Variants in DNAI4 observed in about 807,000 individuals in gnomAD.
The protein encoded by DNAI4 is dynein axonemal intermediate chain 4, also known as WD repeat domain 78.
In DNAI4, 85 loss-of-function variants were observed where a neutral mutation model predicts 105.8. That is an observed-to-expected ratio of 0.80 (90% CI 0.67 to 0.96). DNAI4 has a LOEUF of 0.96. Ranked by LOEUF, DNAI4 falls within the 40% of genes least tolerant of loss-of-function variation. The pLI is 0.00. For missense variants in DNAI4, 1,014 were observed against 1,005.6 expected, an observed-to-expected ratio of 1.01 and a Z score of -0.11; for synonymous variants, 352 against 331.5, an observed-to-expected ratio of 1.06 and a Z score of -0.67.
chr1:66,853,123 A>G (rs932441769), intron 7 of DNAI4, among the ~76,000 whole-genome samples: 3 of 152,230 alleles, frequency 2.0e-5, no homozygotes, highest in Non-Finnish European at 4.4e-5. Flanking sequence ...GCAAAAACGT[A>G]TTACTCACAG....
chr1:66,913,098 T>G (rs1321861506), intron 1 of DNAI4, among the ~76,000 whole-genome samples: 1 of 152,150 alleles, frequency 6.6e-6, no homozygotes, highest in African/African-American at 2.4e-5. Context: ...ATGAGGGTTT[T>G]TTGGTTTGTT....
intron 4 of DNAI4, among the ~76,000 whole-genome samples, chr1:66,884,350 C>G (rs1647146895): frequency 6.6e-6 from 1 of 152,128 alleles, no homozygotes; most frequent in South Asian, 2.1e-4. Context: ...AGTAGGATTG[C>G]TGGATCTTAT....
At chr1:66,870,700 G>T (rs1646825912) in intron 6 of DNAI4, 1 of 115,978 alleles carries the variant, frequency 8.6e-6, no homozygotes, top group South Asian at 3.0e-4. Flanking sequence ...AGTGAGCCAA[G>T]ATTGTGCTAT....
At chr1:66,892,771 G>GT (rs1647771480) in intron 3 of DNAI4, among the ~76,000 whole-genome samples, 1 of 151,694 alleles carries the variant, frequency 6.6e-6, no homozygotes, top group Admixed American at 6.6e-5. Context: ...GCCAGGTGTA[G>GT]TGGGGGGGCG....
intron 1 of DNAI4, among the ~76,000 whole-genome samples, chr1:66,917,890 G>A (rs959616299): frequency 6.6e-6 from 1 of 152,144 alleles, no homozygotes; most frequent in African/African-American, 2.4e-5. Flanking sequence ...GTGACTTATG[G>A]AACCAATAAA....
rs189108886 is a variant in DNAI4 at position 66,915,038 on chromosome 1, C to T, written c.170+9624G>A. ...CATTTATTAATCAAGCAATTTCATACTTATCCCTGACAAATACTATAAGGT... is the reference window on the plus strand; with the variant it reads ...CATTTATTAATCAAGCAATTTCATATTTATCCCTGACAAATACTATAAGGT... On this transcript the variant is annotated intron_variant, in intron 1 of 16. Transcript: ENST00000371026. Among the ~76,000 whole-genome samples the T allele has an allele frequency of 2.8e-4, 43 of 152,324 alleles. No homozygotes were observed. The South Asian group carries it at 4.6e-3, about 16-fold the overall frequency.
chr1:66,865,245 A>G (rs1646708463), intron 6 of DNAI4, among the ~76,000 whole-genome samples: 2 of 151,978 alleles, frequency 1.3e-5, no homozygotes, highest in African/African-American at 2.4e-5. Flanking sequence ...CAACATGGTG[A>G]AAACCCCATC....
At chr1:66,885,559 T>G (rs1011341822) in intron 4 of DNAI4, among the ~76,000 whole-genome samples, 6 of 152,172 alleles carry the variant, frequency 3.9e-5, no homozygotes, top group African/African-American at 1.4e-4. Flanking sequence ...GTAATTTATA[T>G]CCTTGTTCTT....
chr1:66,847,551 T>C lies in DNAI4; in HGVS notation c.1224A>G (p.Glu408=), dbSNP rs1224408251. The change falls in exon 8 of 17, where the codon GAA becomes GAG. Residue 408 remains glutamate, a synonymous_variant. Coordinates refer to ENST00000371026, the MANE Select transcript of DNAI4 (RefSeq NM_024763.5). ...DKFHQDLFFM[E]RVLMENIFQP... is the part of the protein sequence containing the mutation. ...GAAATATATTTTCCATCAGAACCCG[T>C]TCCATAAAAAATAAGTCCTGATGAA... 2.7e-5 allele frequency: 44 copies of C among 1,614,056 alleles called. No individual in the cohort carries two copies. The highest frequency in any genetic ancestry group is 3.6e-5 in the Non-Finnish European group (42 of 1,179,974).
At chr1:66,871,707 C>T (rs1646850414) in intron 5 of DNAI4, among the ~76,000 whole-genome samples, 198 bp from the exon 6 acceptor site, 1 of 152,150 alleles carries the variant, frequency 6.6e-6, no homozygotes, top group East Asian at 1.9e-4. Flanking sequence ...GTGTCTATTT[C>T]CCAACATCCC....
chr1:66,848,730 A>T (rs541372951), intron 7 of DNAI4, among the ~76,000 whole-genome samples: 5 of 152,224 alleles, frequency 3.3e-5, no homozygotes, highest in Non-Finnish European at 7.3e-5. Flanking sequence ...GAAGTCAGCA[A>T]CCTGGGAACA....
At chr1:66,819,455 G>A (rs1193588390) in intron 16 of DNAI4, among the ~76,000 whole-genome samples, 1 of 151,948 alleles carries the variant, frequency 6.6e-6, no homozygotes, top group Non-Finnish European at 1.5e-5. Context: ...ATAGTTTCTT[G>A]AATATCTATT....
Position 66,862,245 on chromosome 1 carries a change from G to A in DNAI4, c.998C>T (p.Ser333Phe), listed in dbSNP as rs1464089868. The A allele has an allele frequency of 3.1e-6, 5 of 1,611,004 alleles. No individual in the cohort carries two copies. The highest frequency in any genetic ancestry group is 2.2e-5 in the East Asian group (1 of 44,670). ...YDSYNAMELVSLSVKQSVVES... is the reference protein window; with the variant it reads ...YDSYNAMELVFLSVKQSVVES... ...AACCACAGATTGTTTTACTGATAAA[G>A]ATACAAGTTCCATAGCATTGTAAGA... Residue 333 changes from serine (S) to phenylalanine (F), a missense_variant, in exon 7 of 17, where the codon TCT becomes TTT. Coordinates refer to ENST00000371026, the MANE Select transcript of DNAI4 (RefSeq NM_024763.5).
At chr1:66,835,489 G>T in intron 11 of DNAI4, 137 bp downstream of exon 11, 1 of 888,204 alleles carries the variant, frequency 1.1e-6, no homozygotes, top group Non-Finnish European at 1.7e-6. Flanking sequence ...GACAATATGA[G>T]GGATTATGAA....
intron 8 of DNAI4, among the ~76,000 whole-genome samples, chr1:66,844,047 A>G (rs1646212319): frequency 8.1e-6 from 1 of 123,686 alleles, no homozygotes; most frequent in Admixed American, 1.1e-4. Context: ...AGTGGGAACA[A>G]CTCTTATTTA....
intron 1 of DNAI4, among the ~76,000 whole-genome samples, chr1:66,917,427 T>C (rs1650147394): frequency 6.6e-6 from 1 of 152,206 alleles, no homozygotes; most frequent in Non-Finnish European, 1.5e-5. Context: ...AATGCAAGTT[T>C]CTGATAACTT....
Position 66,847,603 on chromosome 1 carries a change from G to T in DNAI4, c.1172C>A (p.Ser391Ter). The change falls in exon 8 of 17, where the codon TCA (serine) becomes TAA (stop). Residue 391 changes from serine to a stop codon, truncating the protein, a stop_gained. Transcript: ENST00000371026. LOFTEE classifies it high-confidence loss of function. Reference protein sequence around the residue: ...AKIHEDEEDHSDAILKSDKFH... With the variant: ...AKIHEDEEDH ...TTTGTCAGATTTTAATATTGCATCT[G>T]AGTGGTCTTCCTCATCTTCATGGAT... 1 of 1,613,956 alleles carries T rather than the reference G, an allele frequency of 6.2e-7. No homozygotes were observed. The highest frequency in any genetic ancestry group is 8.5e-7 in the Non-Finnish European group (1 of 1,179,938).
chr1:66,903,758 G>A (rs1414113729), intron 2 of DNAI4, among the ~76,000 whole-genome samples: 1 of 152,124 alleles, frequency 6.6e-6, no homozygotes, highest in African/African-American at 2.4e-5. Flanking sequence ...GCCTCCCAAA[G>A]AGCTAGGATT....
At chr1:66,837,655 A>G in intron 10 of DNAI4, 55 bp downstream of exon 10, 1 of 1,502,242 alleles carries the variant, frequency 6.7e-7, no homozygotes, top group Admixed American at 1.9e-5. Flanking sequence ...TATATATTTT[A>G]TGAGAATTTT....
Sources: allele counts gnomAD v4.1 joint callset (sites outside exome capture counted in the v4.1 genomes callset), GRCh38; gene constraint gnomAD v4.1.1; transcripts MANE v1.5; gene names NCBI Gene and HGNC (gene_info 2026-07-23, HGNC 2026-07-21).